The following ESRRG variants were observed in gnomAD, a reference collection of about 807,000 sequenced individuals.
ESRRG encodes estrogen related receptor gamma.
ESRRG carries 13 observed loss-of-function variants against 44.0 expected under a neutral mutation model. The ratio of observed to expected loss-of-function variants is 0.30; its 90% CI spans 0.19 to 0.47. The LOEUF (loss-of-function observed/expected upper bound fraction) is 0.47, where lower values mean the gene tolerates loss of function less well. Ranked by LOEUF, ESRRG falls within the 20% of genes least tolerant of loss-of-function variation. ESRRG has a pLI of 1.00. For missense variants in ESRRG, 395 were observed against 580.6 expected (o/e 0.68, Z 3.29); for synonymous variants, 215 against 214.6 (o/e 1.00, Z -0.02).
At chr1:216,961,561 A>ATTTTTTTTTT (rs35113256) in intron 1 of ESRRG, among the ~76,000 whole-genome samples, 9 of 131,970 alleles carry the variant, frequency 6.8e-5, no homozygotes, top group Non-Finnish European at 8.2e-5. Flanking sequence ...ATTTACTCTT[A>ATTTTTTTTTT]TTTTTTTTTT....
upstream of ESRRG, among the ~76,000 whole-genome samples, chr1:217,093,186 G>A (rs2092374194): frequency 6.6e-6 from 1 of 152,190 alleles, no homozygotes; most frequent in Non-Finnish European, 1.5e-5. Flanking sequence ...TCATCTTGGA[G>A]CTGCTGCTAG....
chr1:216,519,488 A>T, intron 5 of ESRRG, 67 bp from the exon 6 acceptor site: 1 of 1,456,194 alleles, frequency 6.9e-7, no homozygotes, highest in Non-Finnish European at 9.2e-7. Flanking sequence ...CATTAGTTTC[A>T]TATGGTAGCT....
At chr1:217,121,650 A>G (rs1057205097) in intron 1 of ESRRG, among the ~76,000 whole-genome samples, 2 of 152,228 alleles carry the variant, frequency 1.3e-5, no homozygotes. Flanking sequence ...TGTTCTCTGG[A>G]CATCTGGGAG....
chr1:216,969,948 T>C (rs530732570), intron 1 of ESRRG, among the ~76,000 whole-genome samples: 1 of 152,304 alleles, frequency 6.6e-6, no homozygotes, highest in African/African-American at 2.4e-5. Flanking sequence ...AAATTTGTGA[T>C]GGAAGATGCC....
chr1:217,016,913 G>T (rs2079470641), intron 1 of ESRRG, among the ~76,000 whole-genome samples: 1 of 152,224 alleles, frequency 6.6e-6, no homozygotes, highest in East Asian at 1.9e-4. Flanking sequence ...TTATCCTCAT[G>T]CAATACAGGA....
At chr1:216,630,483 T>A (rs1208359881) in intron 3 of ESRRG, among the ~76,000 whole-genome samples, 13 of 150,344 alleles carry the variant, frequency 8.6e-5, no homozygotes, top group Admixed American at 8.6e-4. Flanking sequence ...CACAATTAAA[T>A]CTTATAGGAA....
chr1:216,700,123 C>CT (rs1350977531), intron 1 of ESRRG, among the ~76,000 whole-genome samples: 1 of 27,622 alleles, frequency 3.6e-5, no homozygotes, highest in African/African-American at 6.9e-5. Flanking sequence ...CAGCCCCGCA[C>CT]CTTTTTTTTT....
intron 5 of ESRRG, among the ~76,000 whole-genome samples, chr1:216,539,191 A>G (rs537593103): frequency 7.9e-6 from 1 of 127,318 alleles, no homozygotes; most frequent in African/African-American, 2.8e-5. Flanking sequence ...GTCAACCTGG[A>G]GATTTTATAT....
At chr1:216,758,560 A>T in intron 2 of ESRRG, among the ~76,000 whole-genome samples, 1 of 151,560 alleles carries the variant, frequency 6.6e-6, no homozygotes, top group Non-Finnish European at 1.5e-5. Context: ...CTCCTGGGCA[A>T]TTTTTTTTAA....
intron 1 of ESRRG, among the ~76,000 whole-genome samples, chr1:217,054,423 C>T (rs556832455): frequency 3.3e-4 from 50 of 152,212 alleles, no homozygotes; most frequent in Non-Finnish European, 5.6e-4. Context: ...GAAATGTCCA[C>T]GTGAGGTTTG....
intron 2 of ESRRG, among the ~76,000 whole-genome samples, chr1:216,924,719 G>T (rs953047112): frequency 6.6e-6 from 1 of 152,128 alleles, no homozygotes; most frequent in Non-Finnish European, 1.5e-5. Context: ...ATGGCTTTTT[G>T]TTGTTATTGA....
intron 1 of ESRRG, among the ~76,000 whole-genome samples, chr1:216,677,905 A>G (rs546054223): frequency 6.6e-6 from 1 of 152,356 alleles, no homozygotes; most frequent in East Asian, 1.9e-4. Flanking sequence ...TGCAAAGTCT[A>G]TACCATTTCT....
chr1:217,030,627 A>G (rs576401918), intron 1 of ESRRG, among the ~76,000 whole-genome samples: 1 of 152,166 alleles, frequency 6.6e-6, no homozygotes, highest in East Asian at 1.9e-4. Flanking sequence ...CTTCATTGTT[A>G]TTTTTTTCTT....
chr1:216,905,021 G>A (rs1023759210), intron 2 of ESRRG, among the ~76,000 whole-genome samples: 12 of 152,148 alleles, frequency 7.9e-5, no homozygotes, highest in Admixed American at 2.0e-4. Context: ...CAGAATTCTT[G>A]TGAAAATCCA....
intron 2 of ESRRG, among the ~76,000 whole-genome samples, chr1:216,839,985 T>C (rs1370214189): frequency 3.3e-5 from 5 of 152,168 alleles, no homozygotes; most frequent in African/African-American, 1.2e-4. Flanking sequence ...AAACGAGCAA[T>C]GACTTCAACT....
At chr1:216,518,901 G>A (rs2045212443) in intron 6 of ESRRG, among the ~76,000 whole-genome samples, 1 of 152,144 alleles carries the variant, frequency 6.6e-6, no homozygotes, top group African/African-American at 2.4e-5. Flanking sequence ...GCTTTGCCAT[G>A]ATCCAAATTA....
intron 2 of ESRRG, among the ~76,000 whole-genome samples, chr1:216,895,769 A>G (rs2058346896): frequency 1.3e-5 from 2 of 152,180 alleles, no homozygotes; most frequent in African/African-American, 4.8e-5. Flanking sequence ...AGGGACCCAA[A>G]AAGAGCTCTT....
chr1:216,885,466 A>G (rs1559983858), intron 2 of ESRRG, among the ~76,000 whole-genome samples: 1 of 152,054 alleles, frequency 6.6e-6, no homozygotes, highest in Admixed American at 6.6e-5. Flanking sequence ...TAGTCTGAGC[A>G]GTTTCATTTT....
chr1:216,613,036 C>A (rs565872279), intron 3 of ESRRG, among the ~76,000 whole-genome samples: 1 of 152,082 alleles, frequency 6.6e-6, no homozygotes, highest in Admixed American at 6.5e-5. Flanking sequence ...ATTGTTTCTG[C>A]TTTCCATAGT....
Sources: gnomAD v4.1 joint callset for allele counts (sites outside exome capture counted in the v4.1 genomes callset) on GRCh38, gnomAD v4.1.1 for gene constraint, MANE v1.5 for transcripts, NCBI Gene and HGNC (gene_info 2026-07-23, HGNC 2026-07-21) for gene names.